CNTN5: variants seen among roughly 807,000 people sequenced by gnomAD.
CNTN5 encodes contactin 5.
Under a neutral mutation model 129.1 loss-of-function variants are expected in CNTN5, and 77 were observed. That is an observed-to-expected ratio of 0.60 (90% CI 0.50 to 0.72). CNTN5 has a LOEUF of 0.72. Ranked by LOEUF, CNTN5 falls within the 30% of genes least tolerant of loss-of-function variation. CNTN5 has a pLI of 0.00. For synonymous variants in CNTN5, 509 were observed against 465.6 expected (o/e 1.09, Z -1.20); for missense variants, 1,478 against 1,328.8 (o/e 1.11, Z -1.75).
At chr11:99,449,785 C>T (rs1944223247) in intron 2 of CNTN5, among the ~76,000 whole-genome samples, 1 of 152,092 alleles carries the variant, frequency 6.6e-6, no homozygotes, top group Admixed American at 6.6e-5. Context: ...AAGACAATTC[C>T]CCAAGCGCTT....
intron 21 of CNTN5, chr11:100,336,745 A>T (rs1952045251): frequency 4.4e-6 from 1 of 229,196 alleles, no homozygotes. Flanking sequence ...AAGAATCACT[A>T]AAGGAGAGAA....
intron 1 of CNTN5, among the ~76,000 whole-genome samples, chr11:99,141,523 C>G (rs892251963): frequency 1.4e-4 from 21 of 152,030 alleles, no homozygotes; most frequent in African/African-American, 4.6e-4. Flanking sequence ...CACTCAAGCT[C>G]TCATTTTGGC....
At chr11:100,199,790 T>A (rs1408491097) in intron 15 of CNTN5, among the ~76,000 whole-genome samples, 1 of 152,012 alleles carries the variant, frequency 6.6e-6, no homozygotes, top group African/African-American at 2.4e-5. Flanking sequence ...TATTCTATAA[T>A]ATTTCATGTA....
chr11:99,322,270 A>G (rs963380218), intron 1 of CNTN5, among the ~76,000 whole-genome samples: 16 of 152,090 alleles, frequency 1.1e-4, no homozygotes, highest in African/African-American at 2.7e-4. Context: ...CTGCTTGCAC[A>G]TGTTTCTGGT....
chr11:99,842,884 C>T (rs1947558547), intron 4 of CNTN5, among the ~76,000 whole-genome samples: 1 of 152,014 alleles, frequency 6.6e-6, no homozygotes, highest in Non-Finnish European at 1.5e-5. Flanking sequence ...TAATTTGGTA[C>T]AGTGAGACAT....
intron 18 of CNTN5, among the ~76,000 whole-genome samples, chr11:100,276,695 G>T (rs749858991): frequency 1.4e-4 from 21 of 151,792 alleles, no homozygotes; most frequent in Non-Finnish European, 2.6e-4. Flanking sequence ...TATACAGTAG[G>T]TATATATATT....
chr11:99,042,536 C>T (rs1008177096), intron 1 of CNTN5, among the ~76,000 whole-genome samples: 7 of 151,794 alleles, frequency 4.6e-5, no homozygotes, highest in Middle Eastern at 3.4e-3. Flanking sequence ...CCACCACACC[C>T]GGCTAATTTT....
At chr11:99,703,076 G>A (rs945048779) in intron 3 of CNTN5, among the ~76,000 whole-genome samples, 6 of 150,782 alleles carry the variant, frequency 4.0e-5, no homozygotes, top group Non-Finnish European at 8.9e-5. Context: ...AAATGAAAAT[G>A]TCAACTTCAA....
chr11:100,014,755 C>T (rs1591056957), intron 9 of CNTN5, among the ~76,000 whole-genome samples: 1 of 152,074 alleles, frequency 6.6e-6, no homozygotes, highest in East Asian at 1.9e-4. Context: ...ACTCCTATCT[C>T]ATATACTCTG....
At chr11:99,422,806 C>G (rs1942959733) in intron 2 of CNTN5, among the ~76,000 whole-genome samples, 1 of 151,876 alleles carries the variant, frequency 6.6e-6, no homozygotes, top group African/African-American at 2.4e-5. Context: ...TTAAAGGAAG[C>G]CAGTGTGGCT....
chr11:99,161,791 T>C (rs1860622957), intron 1 of CNTN5, among the ~76,000 whole-genome samples: 1 of 152,154 alleles, frequency 6.6e-6, no homozygotes, highest in Non-Finnish European at 1.5e-5. Context: ...AAAGCATAGA[T>C]TGAATTCTGA....
At chr11:99,089,444 A>T (rs1289877963) in intron 1 of CNTN5, among the ~76,000 whole-genome samples, 1 of 152,178 alleles carries the variant, frequency 6.6e-6, no homozygotes, top group Non-Finnish European at 1.5e-5. Context: ...CATTATACTC[A>T]TTGTTTAGAC....
intron 1 of CNTN5, among the ~76,000 whole-genome samples, chr11:99,167,870 T>G (rs1860950008): frequency 6.6e-6 from 1 of 152,118 alleles, no homozygotes; most frequent in Admixed American, 6.5e-5. Context: ...ATATGTAATA[T>G]TCACAACATA....
chr11:99,990,104 T>C (rs896187016), intron 8 of CNTN5, among the ~76,000 whole-genome samples: 7 of 152,132 alleles, frequency 4.6e-5, no homozygotes, highest in Admixed American at 4.6e-4. Flanking sequence ...CTTTCATGTT[T>C]GGTAAATATA....
intron 15 of CNTN5, among the ~76,000 whole-genome samples, chr11:100,220,213 C>A (rs1168739021): frequency 6.6e-6 from 1 of 151,716 alleles, no homozygotes; most frequent in Non-Finnish European, 1.5e-5. Context: ...GGAGGCGGAG[C>A]TTGCAGTGAG....
intron 21 of CNTN5, among the ~76,000 whole-genome samples, chr11:100,340,162 A>G (rs1952128581): frequency 6.6e-6 from 1 of 152,192 alleles, no homozygotes; most frequent in African/African-American, 2.4e-5. Context: ...AATTTCTTTG[A>G]ATGATTCTTC....
chr11:100,061,963 T>C (rs1299279557), intron 10 of CNTN5, among the ~76,000 whole-genome samples: 1 of 152,226 alleles, frequency 6.6e-6, no homozygotes, highest in Non-Finnish European at 1.5e-5. Flanking sequence ...ATCTGTATGA[T>C]AAATAGCCCC....
intron 1 of CNTN5, among the ~76,000 whole-genome samples, chr11:99,253,897 T>TTATATATATATATATATA (rs67720359): frequency 1.7e-3 from 241 of 138,982 alleles, no homozygotes; most frequent in African/African-American, 5.9e-3. Context: ...AAATATACGT[T>TTATATATATATATATATA]TATATATATA....
intron 13 of CNTN5, among the ~76,000 whole-genome samples, chr11:100,124,194 G>A (rs1216849510): frequency 6.6e-6 from 1 of 152,008 alleles, no homozygotes; most frequent in South Asian, 2.1e-4. Flanking sequence ...TTTGCTTAAA[G>A]TCTCATGAAG....
Sources: allele counts gnomAD v4.1 joint callset (sites outside exome capture counted in the v4.1 genomes callset), GRCh38; gene constraint gnomAD v4.1.1; transcripts MANE v1.5; gene names NCBI Gene and HGNC (gene_info 2026-07-23, HGNC 2026-07-21).